The following ATP1A1 variants were observed in gnomAD, a reference collection of about 807,000 sequenced individuals.
ATP1A1 encodes ATPase Na+/K+ transporting subunit alpha 1.
Under a neutral mutation model 114.8 loss-of-function variants are expected in ATP1A1, and 14 were observed. The observed-to-expected ratio is 0.12, with a 90% CI of 0.08 to 0.19. ATP1A1 has a LOEUF of 0.19. Ranked by LOEUF, ATP1A1 falls within the 10% of genes least tolerant of loss-of-function variation. ATP1A1 has a pLI of 1.00. For synonymous variants in ATP1A1, 471 were observed against 466.3 expected, an observed-to-expected ratio of 1.01 and a Z score of -0.13; for missense variants, 524 against 1,290.7, an observed-to-expected ratio of 0.41 and a Z score of 9.10.
rs750495844 is a variant in ATP1A1 at position 116,398,073 on chromosome 1, C to T, written c.2124+35C>T. The T allele has an allele frequency of 2.5e-6, 4 of 1,609,222 alleles. No individual in the cohort carries two copies. Among genetic ancestry groups the T allele is most frequent in the South Asian group, 2.2e-5 (2 of 90,344 alleles). The stretch of plus-strand genomic sequence containing the variant: ...CACAAGGATCAGGCTGCTTTGGGCA[C>T]TATTGGCTTTAGGGATTGGAGTTCC... On this transcript the variant is annotated intron_variant, in intron 15 of 22. Coordinates refer to ENST00000295598, the MANE Select transcript of ATP1A1 (RefSeq NM_000701.8). The surrounding 1 kb of genome is among the most constrained non-coding windows in gnomAD (Gnocchi z 6.1).
rs775902817 is a variant in ATP1A1 at position 116,388,966 on chromosome 1, A to G, written c.701A>G (p.Glu234Gly). Residue 234 changes from glutamate (E) to glycine (G), a missense_variant, in exon 7 of 23, where the codon GAA (glutamate) becomes GGA (glycine). Glu to Gly is a moderately conservative substitution (Grantham distance 98, BLOSUM62 -2). Around this residue, in one of 8 missense-constraint regions of ATP1A1, gnomAD observed 141 missense variants for 316.6 expected, o/e 0.45. Transcript: ENST00000295598. This position sits in a 1 kb window ranked among gnomAD's most constrained non-coding sequence, Gnocchi z 5.6. Reference protein sequence around the residue: ...PQTRSPDFTNENPLETRNIAF... With the variant: ...PQTRSPDFTNGNPLETRNIAF... Reference sequence around the variant, plus strand: ...ACTAGGTCTCCAGATTTCACAAATGAAAACCCCCTGGAGACGAGGAACATT... The same window carrying G: ...ACTAGGTCTCCAGATTTCACAAATGGAAACCCCCTGGAGACGAGGAACATT... 3.1e-6 allele frequency: 5 copies of G among 1,614,114 alleles called. No homozygotes were observed. The Admixed American group carries it at 8.3e-5, about 27-fold the overall frequency.
intron 1 of ATP1A1, among the ~76,000 whole-genome samples, chr1:116,374,998 G>A (rs1166672314): frequency 6.6e-6 from 1 of 152,198 alleles, no homozygotes; most frequent in Non-Finnish European, 1.5e-5. Context: ...ATCAAAGAGC[G>A]GAGTACAGGG....
In ATP1A1 at chr1:116,397,745, T is replaced by G; in HGVS notation, c.1974-143T>G. 1 of 1,035,990 alleles carries G rather than the reference T, an allele frequency of 9.7e-7. No individual in the cohort carries two copies. Among genetic ancestry groups the G allele is most frequent in the South Asian group, 1.6e-5 (1 of 60,954 alleles). The allele number at this position is 1,035,990 out of a possible 1,614,324, so 64.2% of individuals were successfully genotyped here. On this transcript the variant is annotated intron_variant, in intron 14 of 22. Transcript: ENST00000295598. This position sits in a 1 kb window ranked among gnomAD's most constrained non-coding sequence, Gnocchi z 4.2. ...CTGTAACCTGTAAAGTACTGAACACTTAATAGCTTTTATGTGCTGGGGAAA... is the reference window on the plus strand; with the variant it reads ...CTGTAACCTGTAAAGTACTGAACACGTAATAGCTTTTATGTGCTGGGGAAA...
At chr1:116,374,045 G>T (rs1269307767) in intron 1 of ATP1A1, 5 of 1,401,118 alleles carry the variant, frequency 3.6e-6, no homozygotes, top group Middle Eastern at 2.7e-4. Flanking sequence ...CTCCGTTCCC[G>T]CCGCGGCCCC....
At position 116,395,105 on chromosome 1, in the gene ATP1A1, C is replaced by T. The variant is rs758366576; in HGVS notation, c.1661-5C>T. 4 of 1,613,252 alleles carry T rather than the reference C, an allele frequency of 2.5e-6. No individual in the cohort carries two copies. The highest frequency in any genetic ancestry group is 2.5e-6 in the Non-Finnish European group (3 of 1,179,574). On this transcript the variant is annotated splice_region_variant and splice_polypyrimidine_tract_variant and intron_variant, in intron 12 of 22. Coordinates refer to ENST00000295598, the MANE Select transcript of ATP1A1 (RefSeq NM_000701.8). This position sits in a 1 kb window ranked among gnomAD's most constrained non-coding sequence, Gnocchi z 6.4. ...AATTTTCAAAGGCTCCTGTCCTCCTCGCAGGTTTCTGCCACCTCTTTCTGC... is the reference window on the plus strand; with the variant it reads ...AATTTTCAAAGGCTCCTGTCCTCCTTGCAGGTTTCTGCCACCTCTTTCTGC...
At position 116,399,713 on chromosome 1, in the gene ATP1A1, G is replaced by A. The variant is rs975857496; in HGVS notation, c.2572+170G>A. Among the ~76,000 whole-genome samples the A allele has an allele frequency of 6.6e-6, 1 of 152,200 alleles. No homozygotes were observed. The highest frequency in any genetic ancestry group is 2.1e-4 in the South Asian group (1 of 4,830). On this transcript the variant is annotated intron_variant, in intron 18 of 22. Transcript: ENST00000295598. The surrounding 1 kb of genome is among the most constrained non-coding windows in gnomAD (Gnocchi z 5.0). ...AGTTTCTCTGAACTCTCTTCCATGT[G>A]AGAATACATCTGTTGCTGTTTGCCC...
Position 116,390,488 on chromosome 1 carries a change from A to C in ATP1A1, c.1222+77A>C. On this transcript the variant is annotated intron_variant, in intron 9 of 22. Transcript: ENST00000295598. ...TTTTTTCTTTTAAGAAATTGCATGA[A>C]ATTTCTTTTTTTTTTTTAAGCTCAT... 2.1e-6 allele frequency: 3 copies of C among 1,417,704 alleles called. No individual in the cohort carries two copies. In the South Asian group the frequency reaches 4.1e-5, roughly 19 times the overall value. The allele number at this position is 1,417,704 out of a possible 1,614,324, so 87.8% of individuals were successfully genotyped here. A position where few individuals can be genotyped will look rare whatever the true frequency, so the allele number is the denominator to read the frequency against.
intron 1 of ATP1A1, chr1:116,383,605 G>A (rs780508468): frequency 6.7e-5 from 11 of 164,580 alleles, no homozygotes; most frequent in Non-Finnish European, 1.2e-4. Flanking sequence ...TTGAGAATGC[G>A]GACTCATAAG....
At position 116,401,180 on chromosome 1, in the gene ATP1A1, C is replaced by T. The variant is rs745657240; in HGVS notation, c.2769C>T (p.Phe923=). The change falls in exon 20 of 23, where the codon TTC becomes TTT. Residue 923 remains phenylalanine (F), a synonymous_variant. Transcript: ENST00000295598. This position sits in a 1 kb window ranked among gnomAD's most constrained non-coding sequence, Gnocchi z 4.7. ...IVEFTCHTAF[F]VSIVVVQWAD... The stretch of plus-strand genomic sequence containing the variant: ...AGTTCACCTGCCACACAGCCTTCTT[C>T]GTCAGTATCGTGGTGGTGCAGTGGG... 14 of 1,614,224 alleles carry T rather than the reference C, an allele frequency of 8.7e-6. No homozygotes were observed. The highest frequency in any genetic ancestry group is 2.2e-5 in the East Asian group (1 of 44,882).
Position 116,381,105 on chromosome 1 carries a change from A to G in ATP1A1, c.13-2909A>G, listed in dbSNP as rs774700454. On this transcript the variant is annotated intron_variant, in intron 1 of 22. Transcript: ENST00000295598. The surrounding 1 kb of genome is among the most constrained non-coding windows in gnomAD (Gnocchi z 5.1). ...ACTCCCAGTCCTCTGGGAGGGGGGA[A>G]GTGACCTGAACTTTCTAATTGAAAA... is the stretch of plus-strand genomic sequence containing the variant. Among the ~76,000 whole-genome samples, 3 of 152,182 alleles carry G rather than the reference A, an allele frequency of 2.0e-5. No homozygotes were observed. Among genetic ancestry groups the G allele is most frequent in the Non-Finnish European group, 2.9e-5 (2 of 68,030 alleles).
In ATP1A1 at chr1:116,401,382, A is replaced by G. The variant is rs1653466236; in HGVS notation, c.2849+122A>G. 2 of 1,532,360 alleles carry G rather than the reference A, an allele frequency of 1.3e-6. No individual in the cohort carries two copies. The highest frequency in any genetic ancestry group is 2.3e-5 in the East Asian group (1 of 44,260). The allele number at this position is 1,532,360 out of a possible 1,614,324, so 94.9% of individuals were successfully genotyped here. On this transcript the variant is annotated intron_variant, in intron 20 of 22. Transcript: ENST00000295598. The surrounding 1 kb of genome is among the most constrained non-coding windows in gnomAD (Gnocchi z 4.7). ...CAGGTTTCTGGAATCTCTAGTTTAT[A>G]GAGCAAATTTAGGAAGCAAGAAATG...
chr1:116,399,611 G>C lies in ATP1A1; in HGVS notation c.2572+68G>C. 6.3e-7 allele frequency: 1 copy of C among 1,591,396 alleles called. No homozygotes were observed. Among genetic ancestry groups the C allele is most frequent in the Non-Finnish European group, 8.6e-7 (1 of 1,166,962 alleles). On this transcript the variant is annotated intron_variant, in intron 18 of 22. Coordinates refer to ENST00000295598, the MANE Select transcript of ATP1A1 (RefSeq NM_000701.8). The surrounding 1 kb of genome is among the most constrained non-coding windows in gnomAD (Gnocchi z 5.0). The stretch of plus-strand genomic sequence containing the variant: ...TCTGAGGTGATGGTGTCCACCTCAG[G>C]TTGAGGTTGATTTCAGAGACTGCAA...
chr1:116,390,512 ATGGCAGCT>A, intron 9 of ATP1A1, 101 bp downstream of exon 9: 1 of 1,148,680 alleles, frequency 8.7e-7, no homozygotes, highest in South Asian at 1.6e-5. Context: ...TTTTAAGCTC[ATGGCAGCT>A]TTTTCTTTCT....
chr1:116,397,806 TAAG>T lies in ATP1A1; in HGVS notation c.1974-79_1974-77del. On this transcript the variant is annotated intron_variant, in intron 14 of 22. Coordinates refer to ENST00000295598, the MANE Select transcript of ATP1A1 (RefSeq NM_000701.8). The surrounding 1 kb of genome is among the most constrained non-coding windows in gnomAD (Gnocchi z 4.2). ...TGTTTTGTTTACAAAGTGATCTGCA[TAAG>T]AATATCCCCTCTTGAGGTGATGGAC... 6.7e-7 allele frequency: 1 copy of T among 1,497,050 alleles called. No homozygotes were observed. The highest frequency in any genetic ancestry group is 1.3e-5 in the South Asian group (1 of 79,098). The allele number at this position is 1,497,050 out of a possible 1,614,324, so 92.7% of individuals were successfully genotyped here.
chr1:116,388,961 A>C lies in ATP1A1; in HGVS notation c.696A>C (p.Thr232=), dbSNP rs1652271463. The C allele has an allele frequency of 6.2e-6, 10 of 1,614,098 alleles. No homozygotes were observed. Among genetic ancestry groups the C allele is most frequent in the Non-Finnish European group, 8.5e-6 (10 of 1,180,046 alleles). The part of the protein sequence containing the change: ...SEPQTRSPDF[T]NENPLETRNI... ...CCCAGACTAGGTCTCCAGATTTCAC[A>C]AATGAAAACCCCCTGGAGACGAGGA... Residue 232 remains threonine, a synonymous_variant, in exon 7 of 23, where the codon ACA becomes ACC. Transcript: ENST00000295598. This position sits in a 1 kb window ranked among gnomAD's most constrained non-coding sequence, Gnocchi z 5.6.
At chr1:116,377,734 C>G (rs1021436684) in intron 1 of ATP1A1, among the ~76,000 whole-genome samples, 5 of 152,202 alleles carry the variant, frequency 3.3e-5, no homozygotes, top group Admixed American at 3.3e-4. Flanking sequence ...TGCCAGCCAA[C>G]AGGCTAGAAG....
At position 116,393,570 on chromosome 1, in the gene ATP1A1, C is replaced by T. The variant is rs778154659; in HGVS notation, c.1507C>T (p.His503Tyr). The stretch of plus-strand genomic sequence containing the variant: ...GAACCCCAACACATCGGAGCCCCAA[C>T]ACCTGTTGGTGATGAAGGGCGCCCC... ...HKNPNTSEPQ[H>Y]LLVMKGAPER... The change falls in exon 12 of 23, where the codon CAC (histidine) becomes TAC (tyrosine). Residue 503 changes from histidine to tyrosine, a missense_variant. Coordinates refer to ENST00000295598, the MANE Select transcript of ATP1A1 (RefSeq NM_000701.8). The surrounding 1 kb of genome is among the most constrained non-coding windows in gnomAD (Gnocchi z 5.0). The T allele has an allele frequency of 1.9e-6, 3 of 1,614,120 alleles. No individual in the cohort carries two copies. The highest frequency in any genetic ancestry group is 3.3e-5 in the Admixed American group (2 of 60,024).
intron 9 of ATP1A1, 124 bp downstream of exon 9, chr1:116,390,535 T>C (rs878925900): frequency 1.9e-6 from 2 of 1,041,746 alleles, no homozygotes; most frequent in South Asian, 3.6e-5. Context: ...CTTTCTTTTT[T>C]GTTTTTTTTT....
In ATP1A1 at chr1:116,381,007, G is replaced by A. The variant is rs1195618238; in HGVS notation, c.13-3007G>A. Among the ~76,000 whole-genome samples, 1 of 151,902 alleles carries A rather than the reference G, an allele frequency of 6.6e-6. No homozygotes were observed. Among genetic ancestry groups the A allele is most frequent in the Non-Finnish European group, 1.5e-5 (1 of 67,974 alleles). On this transcript the variant is annotated intron_variant, in intron 1 of 22. Transcript: ENST00000295598. The surrounding 1 kb of genome is among the most constrained non-coding windows in gnomAD (Gnocchi z 5.1). ...TAGTGTAATCCGTTGAGTTTCCATT[G>A]TACCTTTCCTCAGAGATGCTCAAAG...
Sources: gnomAD v4.1 joint callset for allele counts (sites outside exome capture counted in the v4.1 genomes callset) on GRCh38, gnomAD v4.1.1 for gene constraint, gnomAD v4.1.1 regional missense constraint, Gnocchi (gnomAD v3.1) non-coding constraint, MANE v1.5 for transcripts, NCBI Gene and HGNC (gene_info 2026-07-23, HGNC 2026-07-21) for gene names.